Variants in SHTN1 observed in about 807,000 individuals in gnomAD.
The protein encoded by SHTN1 is shootin-1.
SHTN1 carries 42 observed loss-of-function variants against 83.1 expected under a neutral mutation model. The observed-to-expected ratio is 0.51, with a 90% CI of 0.39 to 0.65. The LOEUF (loss-of-function observed/expected upper bound fraction) is 0.65, where lower values mean the gene tolerates loss of function less well. Ranked by LOEUF, SHTN1 falls within the 30% of genes least tolerant of loss-of-function variation. SHTN1 has a pLI of 0.00. For synonymous variants in SHTN1, 224 were observed against 247.7 expected, an observed-to-expected ratio of 0.90 and a Z score of 0.90; for missense variants, 622 against 737.8, an observed-to-expected ratio of 0.84 and a Z score of 1.82.
chr10:117,026,810 AC>A (rs1332018893), intron 2 of SHTN1, among the ~76,000 whole-genome samples: 1 of 152,168 alleles, frequency 6.6e-6, no homozygotes, highest in Non-Finnish European at 1.5e-5. Context: ...GGGAGAACTC[AC>A]CATCCTGAAG....
chr10:116,971,311 T>C (rs1802787087), intron 2 of SHTN1, among the ~76,000 whole-genome samples: 1 of 152,182 alleles, frequency 6.6e-6, no homozygotes, highest in African/African-American at 2.4e-5. Context: ...GGCAATCCCA[T>C]CCTCTGTAAA....
intron 16 of SHTN1, among the ~76,000 whole-genome samples, chr10:116,894,029 TCAAA>T (rs144533287): frequency 0.029 from 4,386 of 152,066 alleles, 103 homozygotes; most frequent in Non-Finnish European, 0.044. Context: ...CAGTTAGAGG[TCAAA>T]CAATGATAAA....
At chr10:117,026,342 G>A (rs956179521) in intron 2 of SHTN1, among the ~76,000 whole-genome samples, 8 of 151,678 alleles carry the variant, frequency 5.3e-5, no homozygotes, top group African/African-American at 1.9e-4. Context: ...CTTTGGAAAG[G>A]AGCAGAAAGA....
chr10:117,030,409 A>G (rs924874913), intron 2 of SHTN1, among the ~76,000 whole-genome samples: 2 of 152,176 alleles, frequency 1.3e-5, no homozygotes, highest in African/African-American at 4.8e-5. Flanking sequence ...CAGATTGAGA[A>G]GACTACAATA....
At chr10:117,093,549 G>C (rs1342250796) in intron 1 of SHTN1, among the ~76,000 whole-genome samples, 2 of 152,048 alleles carry the variant, frequency 1.3e-5, no homozygotes, top group Admixed American at 6.6e-5. Context: ...ACAAAAACCT[G>C]AGACTCAAAA....
intron 7 of SHTN1, 85 bp from the exon 8 acceptor site, chr10:116,945,103 AT>A (rs1849528636): frequency 2.3e-6 from 2 of 861,048 alleles, no homozygotes; most frequent in Non-Finnish European, 1.9e-6. Context: ...TGTTGAAAAG[AT>A]TTTTCATACC....
At chr10:116,963,978 T>TTG (rs1223188311) in intron 3 of SHTN1, among the ~76,000 whole-genome samples, 218 of 148,808 alleles carry the variant, frequency 1.5e-3, no homozygotes, top group Non-Finnish European at 2.2e-3. Context: ...TAACTGTTTT[T>TTG]TTTTTTTTTT....
At chr10:116,955,580 T>G (rs1052656373) in intron 4 of SHTN1, among the ~76,000 whole-genome samples, 2 of 152,190 alleles carry the variant, frequency 1.3e-5, no homozygotes, top group Non-Finnish European at 1.5e-5. Context: ...GGTCTGACTT[T>G]GCTCTTTCAT....
intron 1 of SHTN1, among the ~76,000 whole-genome samples, chr10:116,996,125 TCTTA>T (rs1482671343): frequency 4.6e-5 from 7 of 152,326 alleles, no homozygotes; most frequent in South Asian, 2.1e-4. Context: ...AATAAACTGG[TCTTA>T]CTGATTCTTT....
rs1847985225 is a variant in SHTN1 at position 116,906,746 on chromosome 10, C to T, written c.1361G>A (p.Gly454Glu). The T allele has an allele frequency of 6.2e-7, 1 of 1,604,908 alleles. No individual in the cohort carries two copies. The highest frequency in any genetic ancestry group is 8.5e-7 in the Non-Finnish European group (1 of 1,176,638). ...SAVDELKGILGTLNKSTSSRS... is the reference protein window; with the variant it reads ...SAVDELKGILETLNKSTSSRS... Reference sequence around the variant, plus strand: ...TGAACTAGTGGATTTGTTAAGTGTCCCCTAAAGTGAAAACAAAACAAAAAC... The same window carrying T: ...TGAACTAGTGGATTTGTTAAGTGTCTCCTAAAGTGAAAACAAAACAAAAAC... Residue 454 changes from glycine (G) to glutamate (E), a missense_variant and splice_region_variant, in exon 15 of 17, where the codon GGG (glycine) becomes GAG (glutamate). This residue lies in a region of SHTN1 where 231 missense variants were observed against 251.6 expected (regional missense o/e 0.92). Coordinates refer to ENST00000355371, the MANE Select transcript of SHTN1 (RefSeq NM_001127211.3).
chr10:117,035,294 G>C (rs1367492090), intron 2 of SHTN1, among the ~76,000 whole-genome samples: 1 of 152,180 alleles, frequency 6.6e-6, no homozygotes, highest in Non-Finnish European at 1.5e-5. Flanking sequence ...GCAGAAGAAT[G>C]AAACTAGACC....
At chr10:117,055,601 C>G (rs11596238) in intron 1 of SHTN1, among the ~76,000 whole-genome samples, 20,485 of 152,194 alleles carry the variant, frequency 0.13, 1,786 homozygotes, top group East Asian at 0.22. Flanking sequence ...GGTGCAGTGG[C>G]TTGCACCTGT....
intron 16 of SHTN1, among the ~76,000 whole-genome samples, chr10:116,892,636 T>C (rs17095418): frequency 0.052 from 7,869 of 152,294 alleles, 665 homozygotes; most frequent in African/African-American, 0.17. Context: ...GTAGTTTTTC[T>C]TTCAATTTAC....
In SHTN1 at chr10:116,981,967, A is replaced by C. The variant is rs1448512030; in HGVS notation, c.59-2659T>G. Among the ~76,000 whole-genome samples the C allele has an allele frequency of 3.9e-5, 6 of 152,304 alleles. 1 individual carries two copies. The highest frequency in any genetic ancestry group is 1.3e-4 in the Admixed American group (2 of 15,302). Reference sequence around the variant, plus strand: ...CCAGCTACTCAGAGGCTAAGGCAGAAGAATCGCTTGATCCCGGGAGGCAGA... The same window carrying C: ...CCAGCTACTCAGAGGCTAAGGCAGACGAATCGCTTGATCCCGGGAGGCAGA... On this transcript the variant is annotated intron_variant, in intron 1 of 16. Transcript: ENST00000355371.
rs1030899460 is a variant in SHTN1, at chr10:117,032,271, T to C, written c.-123+16174A>G. Among the ~76,000 whole-genome samples, 4 of 152,172 alleles carry C rather than the reference T, an allele frequency of 2.6e-5. No individual in the cohort carries two copies. In the East Asian group the frequency reaches 7.7e-4, roughly 29 times the overall value. On this transcript the variant is annotated intron_variant, in intron 2 of 17. Transcript: ENST00000392901. ...CAGGCTGGAGTGCAGTGGCGCGATCTTGGCTCACTGCAACCTCCGCCTCCT... is the reference window on the plus strand; with the variant it reads ...CAGGCTGGAGTGCAGTGGCGCGATCCTGGCTCACTGCAACCTCCGCCTCCT...
intron 1 of SHTN1, among the ~76,000 whole-genome samples, chr10:117,087,734 A>C (rs904185328): frequency 1.3e-5 from 2 of 152,242 alleles, no homozygotes; most frequent in Admixed American, 1.3e-4. Flanking sequence ...TATTCAGCAA[A>C]AGGCAGCTTA....
intron 5 of SHTN1, among the ~76,000 whole-genome samples, chr10:116,952,250 GT>G (rs1849806842): frequency 6.6e-6 from 1 of 152,082 alleles, no homozygotes; most frequent in Non-Finnish European, 1.5e-5. Context: ...ACCAGATCAT[GT>G]TTTCTTTGCA....
At chr10:117,009,915 G>GA (rs549793103), upstream of SHTN1, among the ~76,000 whole-genome samples, 56 of 146,166 alleles carry the variant, frequency 3.8e-4, no homozygotes, top group South Asian at 3.7e-3. Flanking sequence ...AAAAGGAAAA[G>GA]AAAAAAAAAA....
intron 1 of SHTN1, among the ~76,000 whole-genome samples, chr10:117,056,454 G>T (rs1467138673): frequency 6.6e-6 from 1 of 152,144 alleles, no homozygotes; most frequent in Non-Finnish European, 1.5e-5. Flanking sequence ...GGCTGAAGGA[G>T]AAAATTCATG....
Sources: allele counts gnomAD v4.1 joint callset (sites outside exome capture counted in the v4.1 genomes callset), GRCh38; gene constraint gnomAD v4.1.1; regional missense constraint gnomAD v4.1.1; transcripts MANE v1.5; gene names NCBI Gene and HGNC (gene_info 2026-07-23, HGNC 2026-07-21).